Variants in DHTKD1 observed in about 807,000 individuals in gnomAD.
The protein encoded by DHTKD1 is dehydrogenase E1 and transketolase domain containing 1.
Under a neutral mutation model 101.8 loss-of-function variants are expected in DHTKD1, and 78 were observed. The ratio of observed to expected loss-of-function variants is 0.77; its 90% CI spans 0.64 to 0.93. The LOEUF is 0.93. Ranked by LOEUF, DHTKD1 falls within the 40% of genes least tolerant of loss-of-function variation. DHTKD1 has a pLI of 0.00. For synonymous variants in DHTKD1, 462 were observed against 450.3 expected (o/e 1.03, Z -0.33); for missense variants, 1,223 against 1,161.7 (o/e 1.05, Z -0.77).
At chr10:12,069,966 A>G (rs948055831) in intron 1 of DHTKD1, among the ~76,000 whole-genome samples, 19 of 152,022 alleles carry the variant, frequency 1.2e-4, no homozygotes, top group African/African-American at 4.6e-4. Context: ...CCAAGACTGC[A>G]TTGCTTGGGA....
rs535977986 is a variant in DHTKD1, at chr10:12,116,940, A to G, written c.2320-733A>G. Among the ~76,000 whole-genome samples, 7 of 152,080 alleles carry G rather than the reference A, an allele frequency of 4.6e-5. No homozygotes were observed. The East Asian group carries it at 5.8e-4, about 13-fold the overall frequency. ...GGTCTCAAACTTGTGAGTTCAAGCA[A>G]TCCACCTGCCTCAGCCTCCCAAAGT... On this transcript the variant is annotated intron_variant, in intron 13 of 16. Transcript: ENST00000263035.
rs570599363 is a variant in DHTKD1, at chr10:12,101,537, G to A, written c.1896+356G>A. ...TTGCCTACTTAAGGATAGCAAAATC[G>A]CACATCCTCAAGGTTACCTGTTCCC... On this transcript the variant is annotated intron_variant, in intron 10 of 16. Transcript: ENST00000263035. Among the ~76,000 whole-genome samples, 45 of 152,278 alleles carry A rather than the reference G, an allele frequency of 3.0e-4. 1 individual carries two copies. In the South Asian group the frequency reaches 9.1e-3, roughly 31 times the overall value.
At position 12,103,121 on chromosome 10, in the gene DHTKD1, G is replaced by T. The variant is rs1833196280; in HGVS notation, c.1896+1940G>T. Among the ~76,000 whole-genome samples the T allele has an allele frequency of 6.6e-6, 1 of 152,140 alleles. No individual in the cohort carries two copies. The highest frequency in any genetic ancestry group is 2.4e-5 in the African/African-American group (1 of 41,456). On this transcript the variant is annotated intron_variant, in intron 10 of 16. Transcript: ENST00000263035. The surrounding 1 kb of genome is among the most constrained non-coding windows in gnomAD (Gnocchi z 4.8). The stretch of plus-strand genomic sequence containing the variant: ...GCCTGTAATCCCAGCTACTCAGGAG[G>T]TTGAGGCAGGAGAATTGCTTGAACC...
chr10:12,100,927 T>G (rs1833158900), intron 9 of DHTKD1, 115 bp from the exon 10 acceptor site: 1 of 1,036,630 alleles, frequency 9.6e-7, no homozygotes, highest in African/African-American at 1.6e-5. Context: ...AATAACTATC[T>G]GTTATCCTAA....
chr10:12,101,223 G>A (rs1243679695), intron 10 of DHTKD1, 42 bp downstream of exon 10: 7 of 1,582,938 alleles, frequency 4.4e-6, no homozygotes, highest in South Asian at 1.2e-5. Context: ...AGGTGCCAAC[G>A]ATTACACTTC....
chr10:12,089,827 C>T (rs1016067881), intron 5 of DHTKD1, among the ~76,000 whole-genome samples: 2 of 151,870 alleles, frequency 1.3e-5, no homozygotes, highest in Non-Finnish European at 2.9e-5. Flanking sequence ...CGTGCCACCA[C>T]GCCCAGCTAA....
In DHTKD1 at chr10:12,089,149, A is replaced by T; in HGVS notation, c.881A>T (p.Asn294Ile). The change falls in exon 5 of 17, where the codon AAC becomes ATC. Residue 294 changes from asparagine (N) to isoleucine (I), a missense_variant. By Grantham distance (149) the Asn-to-Ile change is moderately radical. Coordinates refer to ENST00000263035, the MANE Select transcript of DHTKD1 (RefSeq NM_018706.7). ...LPNPSHLEAV[N>I]PVAVGKTRGR... ...AATCCCTCGCACCTGGAGGCCGTCA[A>T]CCCCGTGGCCGTGGGCAAAACTCGC... 1.9e-6 allele frequency: 3 copies of T among 1,613,894 alleles called. No homozygotes were observed. The highest frequency in any genetic ancestry group is 2.5e-6 in the Non-Finnish European group (3 of 1,179,976).
intron 9 of DHTKD1, among the ~76,000 whole-genome samples, 158 bp from the exon 10 acceptor site, chr10:12,100,884 C>G (rs1833158400): frequency 1.3e-5 from 2 of 152,092 alleles, no homozygotes; most frequent in African/African-American, 4.8e-5. Flanking sequence ...CTCATCTTAA[C>G]TATAGACTTT....
chr10:12,090,459 C>T, intron 5 of DHTKD1, among the ~76,000 whole-genome samples: 1 of 144,850 alleles, frequency 6.9e-6, no homozygotes, highest in African/African-American at 2.6e-5. Context: ...TTCCTTCCTT[C>T]CTTCCTTCCT....
At chr10:12,069,216 C>CGG in intron 1 of DHTKD1, 29 bp downstream of exon 1, 3 of 1,247,334 alleles carry the variant, frequency 2.4e-6, no homozygotes. Context: ...GCGGTGGGAG[C>CGG]GGGGGCTGGG....
At chr10:12,081,754 G>A in intron 2 of DHTKD1, 127 bp downstream of exon 2, 1 of 989,244 alleles carries the variant, frequency 1.0e-6, no homozygotes, top group Non-Finnish European at 1.5e-6. Flanking sequence ...GACCCGAGGG[G>A]CATGTTGAAG....
intron 11 of DHTKD1, among the ~76,000 whole-genome samples, chr10:12,106,821 T>C (rs189579032): frequency 1.3e-5 from 2 of 152,254 alleles, no homozygotes; most frequent in African/African-American, 2.4e-5. Context: ...ATCTTTCCTA[T>C]AGTTATGCTT....
At chr10:12,071,022 AGGT>A (rs1421408425) in intron 1 of DHTKD1, among the ~76,000 whole-genome samples, 2 of 152,168 alleles carry the variant, frequency 1.3e-5, no homozygotes, top group African/African-American at 4.8e-5. Flanking sequence ...TCAGCTTTCT[AGGT>A]GGAAATACCT....
At chr10:12,120,682 A>G in intron 16 of DHTKD1, 105 bp from the exon 17 acceptor site, 3 of 956,402 alleles carry the variant, frequency 3.1e-6, no homozygotes, top group Non-Finnish European at 4.9e-6. Flanking sequence ...GAGGTGATTT[A>G]TGGTTAAACA....
intron 9 of DHTKD1, among the ~76,000 whole-genome samples, chr10:12,100,498 C>T (rs2131367661): frequency 6.7e-6 from 1 of 149,690 alleles, no homozygotes; most frequent in South Asian, 2.1e-4. Context: ...CTCTTGACCT[C>T]GTGTTCCACC....
chr10:12,108,676 A>G (rs1270052435), intron 12 of DHTKD1, among the ~76,000 whole-genome samples: 1 of 152,174 alleles, frequency 6.6e-6, no homozygotes, highest in African/African-American at 2.4e-5. Flanking sequence ...TTATTTCCTT[A>G]TAGTTTATTA....
chr10:12,097,943 G>A lies in DHTKD1; in HGVS notation c.1618G>A (p.Glu540Lys). Reference sequence around the variant, plus strand: ...GCGGTTTGTTGGCATGAAGTCTGTAGAGGTGCCAAGAGAGCTGCAGATGCA... The same window carrying A: ...GCGGTTTGTTGGCATGAAGTCTGTAAAGGTGCCAAGAGAGCTGCAGATGCA... ...LLRFVGMKSV[E>K]VPRELQMHSH... The change falls in exon 8 of 17, where the codon GAG becomes AAG. Residue 540 changes from glutamate to lysine, a missense_variant. Glu to Lys is a moderately conservative substitution (Grantham distance 56). Coordinates refer to ENST00000263035, the MANE Select transcript of DHTKD1 (RefSeq NM_018706.7). The A allele has an allele frequency of 6.2e-7, 1 of 1,614,040 alleles. No homozygotes were observed. Among genetic ancestry groups the A allele is most frequent in the Non-Finnish European group, 8.5e-7 (1 of 1,179,928 alleles).
In DHTKD1 at chr10:12,098,027, T is replaced by C. The variant is rs371293094; in HGVS notation, c.1671+31T>C. 2.0e-5 allele frequency: 32 copies of C among 1,562,830 alleles called. No individual in the cohort carries two copies. In the African/African-American group the frequency reaches 3.9e-4, roughly 19 times the overall value. On this transcript the variant is annotated intron_variant, in intron 8 of 16. Coordinates refer to ENST00000263035, the MANE Select transcript of DHTKD1 (RefSeq NM_018706.7). ...CAGCCTCCAAATGGCTGGTTATTGC[T>C]TCTCCTTCCTGCTCAGCAAAGGAGC...
At position 12,084,678 on chromosome 10, in the gene DHTKD1, T is replaced by G; in HGVS notation, c.449T>G (p.Phe150Cys). ...GAGAAAGACTGGTTTGCCAAGCGGT[T>G]TGAGGAACTGCAAAAGGAGACGTTT... is the stretch of plus-strand genomic sequence containing the variant. Reference protein sequence around the residue: ...QDEKDWFAKRFEELQKETFTT... With the variant: ...QDEKDWFAKRCEELQKETFTT... Residue 150 changes from phenylalanine to cysteine, a missense_variant, in exon 3 of 17, where the codon TTT becomes TGT. Transcript: ENST00000263035. 1 of 1,614,102 alleles carries G rather than the reference T, an allele frequency of 6.2e-7. No homozygotes were observed. Among genetic ancestry groups the G allele is most frequent in the Non-Finnish European group, 8.5e-7 (1 of 1,180,020 alleles).
Sources: allele counts gnomAD v4.1 joint callset (sites outside exome capture counted in the v4.1 genomes callset), GRCh38; gene constraint gnomAD v4.1.1; non-coding constraint Gnocchi (gnomAD v3.1); transcripts MANE v1.5; gene names NCBI Gene and HGNC (gene_info 2026-07-23, HGNC 2026-07-21).